PCP4: variants seen among roughly 807,000 people sequenced by gnomAD.
The protein encoded by PCP4 is Purkinje cell protein 4.
Under a neutral mutation model 10.0 loss-of-function variants are expected in PCP4, and 8 were observed. The observed-to-expected ratio is 0.80, with a 90% CI of 0.47 to 1.45. PCP4 has a LOEUF of 1.45. Among genes scored for constraint, PCP4 ranks in the 40% most tolerant of loss-of-function variants. PCP4 has a pLI of 0.00. For missense variants in PCP4, 54 were observed against 74.4 expected (o/e 0.73, Z 1.01); for synonymous variants, 21 against 23.0 (o/e 0.91, Z 0.24).
At chr21:39,875,668 A>G (rs2087341895) in intron 1 of PCP4, among the ~76,000 whole-genome samples, 1 of 152,176 alleles carries the variant, frequency 6.6e-6, no homozygotes. Flanking sequence ...CTATCTTTTC[A>G]ATCTTCCTGC....
At chr21:39,915,195 C>T (rs969147437) in intron 2 of PCP4, among the ~76,000 whole-genome samples, 8 of 150,716 alleles carry the variant, frequency 5.3e-5, no homozygotes, top group African/African-American at 2.0e-4. Flanking sequence ...GGGAATGTTG[C>T]CAAAGGTTAC....
At chr21:39,891,278 G>T (rs1568853767) in intron 1 of PCP4, among the ~76,000 whole-genome samples, 1 of 152,192 alleles carries the variant, frequency 6.6e-6, no homozygotes, top group Admixed American at 6.5e-5. Context: ...CTGCCTCAGC[G>T]TGGGCTCTGC....
At chr21:39,894,233 G>A (rs1464977936) in intron 1 of PCP4, among the ~76,000 whole-genome samples, 1 of 152,134 alleles carries the variant, frequency 6.6e-6, no homozygotes, top group East Asian at 1.9e-4. Flanking sequence ...AAGTTGATGT[G>A]ACTTTTTCCT....
intron 2 of PCP4, among the ~76,000 whole-genome samples, chr21:39,913,066 A>T (rs923084390): frequency 1.3e-5 from 2 of 152,190 alleles, no homozygotes; most frequent in African/African-American, 4.8e-5. Flanking sequence ...TCAGCTACTT[A>T]GTCTAGAATG....
At chr21:39,904,694 T>C (rs1286787813) in intron 2 of PCP4, among the ~76,000 whole-genome samples, 1 of 151,992 alleles carries the variant, frequency 6.6e-6, no homozygotes, top group Non-Finnish European at 1.5e-5. Context: ...CATATCAGAG[T>C]TTGAGGATGG....
intron 2 of PCP4, among the ~76,000 whole-genome samples, chr21:39,919,996 G>T (rs972706299): frequency 1.4e-5 from 2 of 147,936 alleles, no homozygotes; most frequent in Non-Finnish European, 3.0e-5. Context: ...TGTGTGGGGT[G>T]TGTTTGATGT....
chr21:39,908,176 T>C (rs1187255619), intron 2 of PCP4, among the ~76,000 whole-genome samples: 1 of 150,368 alleles, frequency 6.7e-6, no homozygotes, highest in Non-Finnish European at 1.5e-5. Flanking sequence ...TGTAGTGTAA[T>C]TGGCTGGCTT....
intron 1 of PCP4, among the ~76,000 whole-genome samples, chr21:39,890,575 G>T (rs1397978110): frequency 6.6e-5 from 10 of 151,116 alleles, no homozygotes; most frequent in Non-Finnish European, 1.5e-4. Flanking sequence ...CACCATGTTG[G>T]CCAGGCTGGT....
intron 1 of PCP4, among the ~76,000 whole-genome samples, chr21:39,870,071 A>T (rs1477951178): frequency 6.6e-6 from 1 of 152,204 alleles, no homozygotes; most frequent in African/African-American, 2.4e-5. Flanking sequence ...CCAAAGTGTC[A>T]TATACTCCCC....
intron 2 of PCP4, among the ~76,000 whole-genome samples, chr21:39,911,133 C>T (rs750852547): frequency 3.2e-4 from 48 of 151,816 alleles, no homozygotes; most frequent in Non-Finnish European, 4.9e-4. Context: ...AGGAGAAATA[C>T]GATGTATTTT....
chr21:39,893,326 A>G (rs1601178209), intron 1 of PCP4, among the ~76,000 whole-genome samples: 1 of 152,118 alleles, frequency 6.6e-6, no homozygotes, highest in East Asian at 1.9e-4. Flanking sequence ...CTGCCTTTTT[A>G]TGGATACCGG....
chr21:39,879,231 T>G (rs1367904751), intron 1 of PCP4, among the ~76,000 whole-genome samples: 1 of 152,024 alleles, frequency 6.6e-6, no homozygotes, highest in African/African-American at 2.4e-5. Flanking sequence ...TCAAGTGATC[T>G]GCTTGCCTCG....
At chr21:39,881,382 G>A (rs750065678) in intron 1 of PCP4, among the ~76,000 whole-genome samples, 8 of 152,150 alleles carry the variant, frequency 5.3e-5, no homozygotes, top group African/African-American at 1.2e-4. Context: ...AGGTCATTGC[G>A]GGAACAGTGG....
chr21:39,880,217 A>G, intron 1 of PCP4, among the ~76,000 whole-genome samples: 1 of 150,856 alleles, frequency 6.6e-6, no homozygotes, highest in Non-Finnish European at 1.5e-5. Flanking sequence ...GTCCAAGTGG[A>G]AGCTCTCAAA....
chr21:39,880,104 A>C (rs916276588), intron 1 of PCP4, among the ~76,000 whole-genome samples: 6 of 143,810 alleles, frequency 4.2e-5, no homozygotes, highest in African/African-American at 1.8e-4. Context: ...AGATATCTAT[A>C]TCTATCTATA....
At chr21:39,872,080 C>T (rs973876484) in intron 1 of PCP4, among the ~76,000 whole-genome samples, 1 of 152,138 alleles carries the variant, frequency 6.6e-6, no homozygotes, top group Non-Finnish European at 1.5e-5. Flanking sequence ...CTCACTGCAA[C>T]CTCTGCCTCC....
At chr21:39,903,876 C>CAAAA (rs67572508) in intron 2 of PCP4, among the ~76,000 whole-genome samples, 36 of 95,566 alleles carry the variant, frequency 3.8e-4, no homozygotes, top group South Asian at 7.7e-4. Context: ...TCAAAAAAAA[C>CAAAA]AAAAAAAAAA....
At chr21:39,885,982 G>A (rs983140199) in intron 1 of PCP4, among the ~76,000 whole-genome samples, 2 of 152,204 alleles carry the variant, frequency 1.3e-5, no homozygotes, top group East Asian at 1.9e-4. Context: ...CCTCTTCCGG[G>A]CTTGTAGATG....
At chr21:39,880,190 ATC>A (rs1555846869) in intron 1 of PCP4, among the ~76,000 whole-genome samples, 1,595 of 143,712 alleles carry the variant, frequency 0.011, 41 homozygotes, top group African/African-American at 0.042. Context: ...ATCTATATCT[ATC>A]TATATCTATT....
Sources: gnomAD v4.1 joint callset for allele counts (sites outside exome capture counted in the v4.1 genomes callset) on GRCh38, gnomAD v4.1.1 for gene constraint, MANE v1.5 for transcripts, NCBI Gene and HGNC (gene_info 2026-07-23, HGNC 2026-07-21) for gene names.